DUSP15: variants seen among roughly 807,000 people sequenced by gnomAD.
DUSP15 encodes dual specificity phosphatase 15, also known as dual specificity protein phosphatase 15.
In DUSP15, 23 loss-of-function variants were observed where a neutral mutation model predicts 26.3. That is an observed-to-expected ratio of 0.87 (90% CI 0.63 to 1.24). DUSP15 has a LOEUF of 1.24. Ranked by LOEUF, DUSP15 falls within the 50% of genes most tolerant of loss-of-function variation. DUSP15 has a pLI of 0.00. For missense variants in DUSP15, 364 were observed against 320.6 expected, an observed-to-expected ratio of 1.14 and a Z score of -1.03; for synonymous variants, 143 against 135.5, an observed-to-expected ratio of 1.06 and a Z score of -0.39.
At chr20:31,850,358 AG>A (rs2062449310) in intron 7 of DUSP15, among the ~76,000 whole-genome samples, 1 of 152,222 alleles carries the variant, frequency 6.6e-6, no homozygotes, top group Non-Finnish European at 1.5e-5. Flanking sequence ...GTGTGACCTC[AG>A]GCAAGGTTCT....
At chr20:31,845,634 G>T, downstream of DUSP15, 5 of 1,480,504 alleles carry the variant, frequency 3.4e-6, no homozygotes, top group Non-Finnish European at 4.6e-6. Flanking sequence ...CTGGTTAAAA[G>T]GTCCACTGGC....
At chr20:31,846,117 GAGAC>G (rs1305031282), downstream of DUSP15, among the ~76,000 whole-genome samples, 31 of 74,612 alleles carry the variant, frequency 4.2e-4, no homozygotes, top group African/African-American at 2.5e-3. Context: ...CAGACACACA[GAGAC>G]ACACAGACAC....
chr20:31,858,854 G>C (rs146481581), downstream of DUSP15, among the ~76,000 whole-genome samples: 8 of 152,292 alleles, frequency 5.3e-5, no homozygotes, highest in East Asian at 1.5e-3. The surrounding 1 kb of genome is among the most constrained non-coding windows in gnomAD (Gnocchi z 4.4). Context: ...CAGATCTGCA[G>C]AATCAGACTT....
At chr20:31,864,932 G>A (rs546598531) in intron 4 of DUSP15, 21 bp downstream of exon 4, 3 of 1,613,030 alleles carry the variant, frequency 1.9e-6, no homozygotes, top group Non-Finnish European at 2.5e-6. Context: ...TCCATCTATG[G>A]GTCCATCCAG....
intron 6 of DUSP15, among the ~76,000 whole-genome samples, chr20:31,854,354 C>T (rs868522496): frequency 2.0e-5 from 3 of 152,248 alleles, no homozygotes; most frequent in East Asian, 3.9e-4. Context: ...CACCTAACCT[C>T]GTGAGGTTGG....
Position 31,848,922 on chromosome 20 carries a change from T to C in DUSP15, c.629-19A>G, listed in dbSNP as rs2123169515. 3 of 1,600,976 alleles carry C rather than the reference T, an allele frequency of 1.9e-6. No individual in the cohort carries two copies. In the East Asian group the frequency reaches 6.7e-5, roughly 36 times the overall value. On this transcript the variant is annotated intron_variant, in intron 8 of 9. Coordinates refer to the DUSP15 transcript ENST00000278979. ...GACCATCCTGCAGGTGGGCACACAA[T>C]TATACGACACTGAGACTATAGGGAC...
At chr20:31,846,185 CAG>C (rs1208916647), downstream of DUSP15, among the ~76,000 whole-genome samples, 5 of 149,776 alleles carry the variant, frequency 3.3e-5, no homozygotes, top group Admixed American at 6.6e-5. Flanking sequence ...CACATATACA[CAG>C]AGACAGACAC....
chr20:31,869,583 G>A lies in DUSP15; in HGVS notation c.36C>T (p.Leu12=), dbSNP rs377320696. ...GCTCACCAATGAAGTTTCCGAGGTA[G>A]AGTCCAGGAAGTACCTAGAGGAAGG... The part of the protein sequence containing the change: ...GNGMTKVLPG[L]YLGNFIDAKD... The change falls in exon 2 of 7, where the codon CTC becomes CTT. Residue 12 remains leucine, a synonymous_variant. Transcript: ENST00000339738. 11 of 1,613,542 alleles carry A rather than the reference G, an allele frequency of 6.8e-6. No individual in the cohort carries two copies. In the African/African-American group the frequency reaches 1.2e-4, roughly 18 times the overall value.
chr20:31,849,511 T>C, intron 8 of DUSP15: 1 of 783,756 alleles, frequency 1.3e-6, no homozygotes, highest in South Asian at 1.4e-5. Context: ...CCCACGCCAC[T>C]CTGTTCCACT....
Position 31,865,002 on chromosome 20 carries a change from C to A in DUSP15, c.139G>T (p.Asp47Tyr), listed in dbSNP as rs747044989. 4 of 1,614,064 alleles carry A rather than the reference C, an allele frequency of 2.5e-6. No homozygotes were observed. Among genetic ancestry groups the A allele is most frequent in the Non-Finnish European group, 3.4e-6 (4 of 1,179,998 alleles). ...ACCGGGATGCGAAGGTAGGTGATAT[C>A]CTGCAAGTACAAAATACACTCAGGC... is the stretch of plus-strand genomic sequence containing the variant. ...IHESPQPLLQ[D>Y]ITYLRIPVAD... The change falls in exon 4 of 7, where the codon GAT becomes TAT. Residue 47 changes from aspartate to tyrosine, a missense_variant and splice_region_variant. Transcript: ENST00000339738.
downstream of DUSP15, chr20:31,845,631 A>T: frequency 2.0e-6 from 3 of 1,497,716 alleles, no homozygotes; most frequent in Non-Finnish European, 2.7e-6. Flanking sequence ...AGGCTGGTTA[A>T]AAGGTCCACT....
intron 6 of DUSP15, among the ~76,000 whole-genome samples, chr20:31,853,915 T>C (rs1434915193): frequency 6.6e-6 from 1 of 152,152 alleles, no homozygotes; most frequent in African/African-American, 2.4e-5. Flanking sequence ...GGGAGGCTAC[T>C]TTAAAGAGTG....
Position 31,870,305 on chromosome 20 carries a change from C to A in DUSP15, c.21+12G>T. The stretch of plus-strand genomic sequence containing the variant: ...CGGGGACCGGGGAGGCTGCGCGGGG[C>A]CCGCCCCCTACCTTGGTCATGCCAT... On this transcript the variant is annotated intron_variant, in intron 1 of 6. Coordinates refer to ENST00000339738, the MANE Select transcript of DUSP15 (RefSeq NM_080611.5). This position sits in a 1 kb window ranked among gnomAD's most constrained non-coding sequence, Gnocchi z 6.6. The A allele has an allele frequency of 3.2e-6, 4 of 1,241,912 alleles. No individual in the cohort carries two copies. The highest frequency in any genetic ancestry group is 3.9e-5 in the South Asian group (1 of 25,396). 76.9% of individuals were successfully genotyped at this position (1,241,912 alleles called of 1,614,324 possible). A position where few individuals can be genotyped will look rare whatever the true frequency, so the allele number is the denominator to read the frequency against.
At chr20:31,849,931 C>T in intron 7 of DUSP15, 3 of 1,420,164 alleles carry the variant, frequency 2.1e-6, no homozygotes, top group South Asian at 1.5e-5. Flanking sequence ...CTCCCCTCGC[C>T]TTCTTACCCT....
intron 6 of DUSP15, 39 bp from the exon 7 acceptor site, chr20:31,861,714 CG>C (rs1184651028): frequency 1.8e-6 from 2 of 1,141,282 alleles, no homozygotes; most frequent in Non-Finnish European, 2.1e-6. Flanking sequence ...TCAAGGCCGG[CG>C]CGGGGCGGGG....
At chr20:31,852,244 G>C (rs2062482127) in intron 6 of DUSP15, among the ~76,000 whole-genome samples, 1 of 152,100 alleles carries the variant, frequency 6.6e-6, no homozygotes, top group Non-Finnish European at 1.5e-5. Flanking sequence ...CTTGATCTCA[G>C]GTGATCCACC....
rs548566212 is a variant in DUSP15 at position 31,862,569 on chromosome 20, A to G, written c.435+2T>C. 1.0e-5 allele frequency: 16 copies of G among 1,604,004 alleles called. No individual in the cohort carries two copies. The highest frequency in any genetic ancestry group is 4.5e-5 in the South Asian group (4 of 89,776). On this transcript the variant is annotated splice_donor_variant, in intron 6 of 6. Coordinates refer to ENST00000339738, the MANE Select transcript of DUSP15 (RefSeq NM_080611.5). LOFTEE classifies it high-confidence loss of function. ...CAACCCAGCCCTTGACCCCATCCCTACCTTCTGGGAACTGGCCCAGCCAAA... is the reference window on the plus strand; with the variant it reads ...CAACCCAGCCCTTGACCCCATCCCTGCCTTCTGGGAACTGGCCCAGCCAAA...
Position 31,870,364 on chromosome 20 carries a change from AC to A in DUSP15, c.-28del. On this transcript the variant is annotated 5_prime_UTR_variant, in exon 1 of 7. Coordinates refer to ENST00000339738, the MANE Select transcript of DUSP15 (RefSeq NM_080611.5). This position sits in a 1 kb window ranked among gnomAD's most constrained non-coding sequence, Gnocchi z 6.6. ...ATCCCGGGGGCGGCGGTCCGGGTGC[AC>A]CCCCAGCTCGCCGCCCGGGAAGCGA... The A allele has an allele frequency of 1.6e-6, 2 of 1,274,906 alleles. No individual in the cohort carries two copies. Among genetic ancestry groups the A allele is most frequent in the Middle Eastern group, 2.4e-4 (1 of 4,116 alleles). 79.0% of individuals were successfully genotyped at this position (1,274,906 alleles called of 1,614,324 possible). A position where few individuals can be genotyped will look rare whatever the true frequency, so the allele number is the denominator to read the frequency against.
chr20:31,869,256 C>T (rs940555566), intron 2 of DUSP15, among the ~76,000 whole-genome samples: 1 of 152,212 alleles, frequency 6.6e-6, no homozygotes, highest in African/African-American at 2.4e-5. Flanking sequence ...TGCTCAGGTC[C>T]ACAGCCCAGG....
Sources: allele counts gnomAD v4.1 joint callset (sites outside exome capture counted in the v4.1 genomes callset), GRCh38; gene constraint gnomAD v4.1.1; non-coding constraint Gnocchi (gnomAD v3.1); transcripts MANE v1.5; gene names NCBI Gene and HGNC (gene_info 2026-07-23, HGNC 2026-07-21).